The following GLI3 variants were observed in gnomAD, a reference collection of about 807,000 sequenced individuals.
GLI3 encodes transcription activator GLI3.
A neutral mutation model predicts 100.8 loss-of-function variants in GLI3; 20 were observed. That is an observed-to-expected ratio of 0.20 (90% confidence interval 0.14 to 0.29). The LOEUF (loss-of-function observed/expected upper bound fraction) is 0.29, where lower values mean the gene tolerates loss of function less well. Among genes scored for constraint, GLI3 ranks in the 10% least tolerant of loss-of-function variants. GLI3 has a pLI of 1.00. For missense variants in GLI3, 2,040 were observed against 2,128.5 expected, an observed-to-expected ratio of 0.96 and a Z score of 0.82; for synonymous variants, 938 against 860.5, an observed-to-expected ratio of 1.09 and a Z score of -1.58.
chr7:42,197,430 C>T (rs3801218), intron 2 of GLI3, among the ~76,000 whole-genome samples: 20,089 of 152,238 alleles, frequency 0.13, 1,754 homozygotes, highest in Non-Finnish European at 0.19. Context: ...CTTGGGCATC[C>T]TCTTCTTATT....
At position 42,057,371 on chromosome 7, in the gene GLI3, G is replaced by T. The variant is rs115359430; in HGVS notation, c.474-8675C>A. 4.0e-3 allele frequency among the ~76,000 whole-genome samples: 608 copies of T among 152,298 alleles called. 5 individuals are homozygous for T. The highest frequency in any genetic ancestry group is 0.014 in the African/African-American group (592 of 41,568). ...GTGTTGATGAGGATTTAGGCCAACA[G>T]GAACTCTCAATATGAGCGCAAGCTA... is the stretch of plus-strand genomic sequence containing the variant. On this transcript the variant is annotated intron_variant, in intron 4 of 14. Coordinates refer to ENST00000395925, the MANE Select transcript of GLI3 (RefSeq NM_000168.6).
intron 14 of GLI3, 64 bp downstream of exon 14, chr7:41,967,532 G>T: frequency 9.2e-7 from 1 of 1,082,300 alleles, no homozygotes; most frequent in Non-Finnish European, 1.4e-6. Context: ...AAAACTGAGG[G>T]CCTGCATTTA....
chr7:41,965,087 C>T lies in GLI3; in HGVS notation c.3986G>A (p.Gly1329Asp). The change falls in exon 15 of 15, where the codon GGC becomes GAC. Residue 1329 changes from glycine to aspartate, a missense_variant. Around this residue, in one of 5 missense-constraint regions of GLI3, gnomAD observed 1,041 missense variants for 924.0 expected, o/e 1.13. Coordinates refer to ENST00000395925, the MANE Select transcript of GLI3 (RefSeq NM_000168.6). ...GQGYLAHQLL[G>D]DSMQHPGAGR... ...TGCCCCCGGGTGCTGCATGCTGTCG[C>T]CGAGGAGCTGGTGAGCCAGGTACCC... 1.2e-6 allele frequency: 2 copies of T among 1,613,800 alleles called. No individual in the cohort carries two copies. The highest frequency in any genetic ancestry group is 1.7e-6 in the Non-Finnish European group (2 of 1,180,030).
chr7:42,160,807 C>A (rs1252402679), intron 2 of GLI3, among the ~76,000 whole-genome samples: 7 of 152,138 alleles, frequency 4.6e-5, no homozygotes, highest in Non-Finnish European at 8.8e-5. Flanking sequence ...GGCAACAGAC[C>A]AGTGGACGCC....
In GLI3 at chr7:41,972,502, G is replaced by C. The variant is rs767739019; in HGVS notation, c.1938C>G (p.Ile646Met). 1.9e-6 allele frequency: 3 copies of C among 1,613,148 alleles called. No individual in the cohort carries two copies. The highest frequency in any genetic ancestry group is 3.3e-5 in the Admixed American group (2 of 59,988). ...AHVTKKQRGD[I>M]HPRPPPPRDS... ...CTCTCGGGGGTGGCGGCCGAGGATG[G>C]ATGTCCCCTCGCTGCTTCTTGGTGA... Residue 646 changes from isoleucine to methionine, a missense_variant, in exon 13 of 15, where the codon ATC becomes ATG. By Grantham distance (10) the Ile-to-Met change is conservative (BLOSUM62 1). Around this residue, in one of 5 missense-constraint regions of GLI3, gnomAD observed 327 missense variants for 338.7 expected, o/e 0.97. Coordinates refer to ENST00000395925, the MANE Select transcript of GLI3 (RefSeq NM_000168.6). This position sits in a 1 kb window ranked among gnomAD's most constrained non-coding sequence, Gnocchi z 4.4.
chr7:42,211,511 A>G (rs1462011095), intron 2 of GLI3, among the ~76,000 whole-genome samples: 1 of 152,234 alleles, frequency 6.6e-6, no homozygotes, highest in Non-Finnish European at 1.5e-5. Flanking sequence ...GCTTGGAACA[A>G]ATCTTCAATT....
At chr7:42,091,845 T>C (rs1388332755) in intron 3 of GLI3, among the ~76,000 whole-genome samples, 2 of 152,254 alleles carry the variant, frequency 1.3e-5, no homozygotes, top group Admixed American at 6.5e-5. Flanking sequence ...ACAAAGCAGA[T>C]ATGCATGGCT....
chr7:42,114,758 G>C (rs1227213507), intron 3 of GLI3, among the ~76,000 whole-genome samples: 1 of 152,180 alleles, frequency 6.6e-6, no homozygotes, highest in African/African-American at 2.4e-5. Flanking sequence ...CTGGAGTGCA[G>C]TGGTGTGATC....
chr7:41,978,710 C>T lies in GLI3; in HGVS notation c.1536G>A (p.Glu512=), dbSNP rs764176144. 10 of 1,613,888 alleles carry T rather than the reference C, an allele frequency of 6.2e-6. No homozygotes were observed. In the South Asian group the frequency reaches 9.9e-5, roughly 16 times the overall value. Reference sequence around the variant, plus strand: ...AGCAGTCCAGCCACCTGCACACGAACTCCTTCTTCTCTCCATGAATATGGT... The same window carrying T: ...AGCAGTCCAGCCACCTGCACACGAATTCCTTCTTCTCTCCATGAATATGGT... The part of the protein sequence containing the change: ...NNDHIHGEKK[E]FVCRWLDCSR... The change falls in exon 11 of 15, where the codon GAG becomes GAA. Residue 512 remains glutamate (E), a synonymous_variant. Coordinates refer to ENST00000395925, the MANE Select transcript of GLI3 (RefSeq NM_000168.6).
chr7:42,136,495 G>A (rs1786431400), intron 3 of GLI3, among the ~76,000 whole-genome samples: 1 of 152,146 alleles, frequency 6.6e-6, no homozygotes, highest in African/African-American at 2.4e-5. Flanking sequence ...TCACACATAT[G>A]GCCTGTGGTG....
intron 10 of GLI3, among the ~76,000 whole-genome samples, chr7:42,022,992 C>G (rs1382929304): frequency 6.6e-6 from 1 of 152,208 alleles, no homozygotes; most frequent in Non-Finnish European, 1.5e-5. Context: ...AGAAATTATG[C>G]TACCTAGCTC....
chr7:42,089,201 G>C (rs1450575378), intron 3 of GLI3, among the ~76,000 whole-genome samples: 2 of 152,270 alleles, frequency 1.3e-5, no homozygotes, highest in East Asian at 3.9e-4. Context: ...TCAACACATG[G>C]ATGCGTAATA....
At chr7:42,205,574 G>A (rs570876441) in intron 2 of GLI3, among the ~76,000 whole-genome samples, 3 of 152,274 alleles carry the variant, frequency 2.0e-5, no homozygotes, top group African/African-American at 4.8e-5. Context: ...CTGGAGAATC[G>A]TACTTTTCCT....
chr7:42,148,132 C>T (rs1032301674), intron 3 of GLI3, 94 bp downstream of exon 3: 145 of 1,217,642 alleles, frequency 1.2e-4, no homozygotes, highest in Admixed American at 8.4e-4. Flanking sequence ...CTTCATAAAG[C>T]GCGCACACAC....
At chr7:42,007,780 A>C (rs1788498095) in intron 10 of GLI3, among the ~76,000 whole-genome samples, 1 of 152,194 alleles carries the variant, frequency 6.6e-6, no homozygotes, top group South Asian at 2.1e-4. Context: ...ACAAGGAAAA[A>C]CTGAGGCCTC....
intron 3 of GLI3, among the ~76,000 whole-genome samples, chr7:42,089,594 C>T (rs1054039284): frequency 2.0e-5 from 3 of 152,242 alleles, no homozygotes; most frequent in Non-Finnish European, 4.4e-5. Flanking sequence ...ATGATGCATG[C>T]TGCAACCCTT....
At chr7:42,258,855 T>A (rs1242627481) in intron 1 of GLI3, among the ~76,000 whole-genome samples, 3 of 152,212 alleles carry the variant, frequency 2.0e-5, no homozygotes, top group Non-Finnish European at 4.4e-5. Context: ...TTTCAACATA[T>A]GAATTTTGGG....
chr7:42,245,117 C>T (rs1462860805), intron 1 of GLI3, among the ~76,000 whole-genome samples: 1 of 152,166 alleles, frequency 6.6e-6, no homozygotes, highest in African/African-American at 2.4e-5. Flanking sequence ...TGGACTGGGC[C>T]TTCCCATTCT....
At chr7:42,262,779 A>T (rs956609117) in intron 1 of GLI3, among the ~76,000 whole-genome samples, 4 of 152,168 alleles carry the variant, frequency 2.6e-5, no homozygotes, top group African/African-American at 9.7e-5. Context: ...AATTTTGAAG[A>T]TACTTTCCTA....
Sources: gnomAD v4.1 joint callset for allele counts (sites outside exome capture counted in the v4.1 genomes callset) on GRCh38, gnomAD v4.1.1 for gene constraint, gnomAD v4.1.1 regional missense constraint, Gnocchi (gnomAD v3.1) non-coding constraint, MANE v1.5 for transcripts, NCBI Gene and HGNC (gene_info 2026-07-23, HGNC 2026-07-21) for gene names.